Variants in RPA3 observed in about 807,000 individuals in gnomAD.
RPA3 encodes replication protein A 14 kDa subunit.
A neutral mutation model predicts 13.7 loss-of-function variants in RPA3; 24 were observed. The ratio of observed to expected loss-of-function variants is 1.75; its 90% CI spans 1.27 to 2.46. RPA3 has a LOEUF of 2.46. Among genes scored for constraint, RPA3 ranks in the 30% most tolerant of loss-of-function variants. RPA3 has a pLI of 0.00. For synonymous variants in RPA3, 59 were observed against 51.2 expected (o/e 1.15, Z -0.65); for missense variants, 183 against 151.0 (o/e 1.21, Z -1.11).
chr7:7,679,755 A>G (rs1005853267), intron 4 of RPA3, among the ~76,000 whole-genome samples: 6 of 148,422 alleles, frequency 4.0e-5, no homozygotes, highest in Non-Finnish European at 5.9e-5. Flanking sequence ...TTAAGAGGCA[A>G]TAACTCACTA....
intron 4 of RPA3, among the ~76,000 whole-genome samples, chr7:7,674,118 G>A (rs1441681687): frequency 6.6e-6 from 1 of 152,128 alleles, no homozygotes; most frequent in Admixed American, 6.6e-5. Flanking sequence ...ATGGTGTGGG[G>A]TAGTCAAACC....
At chr7:7,704,485 G>A (rs1780544459) in intron 2 of RPA3, among the ~76,000 whole-genome samples, 1 of 151,610 alleles carries the variant, frequency 6.6e-6, no homozygotes, top group Non-Finnish European at 1.5e-5. Flanking sequence ...GCCGGGCGCG[G>A]TGGCTCATGC....
chr7:7,676,192 C>T (rs189438411), intron 4 of RPA3: 6 of 398,676 alleles, frequency 1.5e-5, no homozygotes, highest in East Asian at 3.6e-5. Context: ...CCACGACTTA[C>T]TCTCTACCCT....
chr7:7,644,570 A>G (rs1785054173), intron 4 of RPA3, among the ~76,000 whole-genome samples: 1 of 152,204 alleles, frequency 6.6e-6, no homozygotes, highest in Non-Finnish European at 1.5e-5. Flanking sequence ...ATGTTGTCAG[A>G]TAAGTCTCCA....
chr7:7,713,529 A>G (rs1221935840), intron 2 of RPA3, among the ~76,000 whole-genome samples: 2 of 151,942 alleles, frequency 1.3e-5, no homozygotes, highest in African/African-American at 4.8e-5. Context: ...AGTGTTTTCA[A>G]AAGACCAGTT....
At chr7:7,711,759 G>A (rs1780769885) in intron 2 of RPA3, among the ~76,000 whole-genome samples, 1 of 151,814 alleles carries the variant, frequency 6.6e-6, no homozygotes, top group African/African-American at 2.4e-5. Flanking sequence ...AATGACTTAT[G>A]TTTTTCTTTT....
chr7:7,698,261 G>A (rs771883364), intron 2 of RPA3, among the ~76,000 whole-genome samples: 8 of 152,214 alleles, frequency 5.3e-5, no homozygotes, highest in Non-Finnish European at 7.3e-5. Flanking sequence ...ATTTCTGTGA[G>A]AAGATTGCAA....
At chr7:7,648,295 G>A (rs553924870) in intron 4 of RPA3, among the ~76,000 whole-genome samples, 17 of 151,690 alleles carry the variant, frequency 1.1e-4, no homozygotes, top group African/African-American at 3.2e-4. Context: ...AGTTTTCTCC[G>A]CTTAAGTTTT....
chr7:7,639,852 T>C (rs1411714486), intron 5 of RPA3: 2 of 177,798 alleles, frequency 1.1e-5, no homozygotes, highest in Admixed American at 1.3e-4. Flanking sequence ...AATACTGGGG[T>C]TAAATAACTC....
intron 5 of RPA3, 56 bp downstream of exon 5, chr7:7,640,264 C>G: frequency 6.4e-7 from 1 of 1,550,832 alleles, no homozygotes; most frequent in Non-Finnish European, 8.9e-7. Flanking sequence ...GTTATCCAGG[C>G]GGGGTCCCTC....
At chr7:7,693,255 ATT>A (rs1247463348) in intron 2 of RPA3, among the ~76,000 whole-genome samples, 1 of 152,146 alleles carries the variant, frequency 6.6e-6, no homozygotes, top group Admixed American at 6.5e-5. Flanking sequence ...TTCACCAAAC[ATT>A]TACTAAGTAA....
chr7:7,691,945 A>G (rs1375737096), intron 2 of RPA3, among the ~76,000 whole-genome samples: 1 of 152,326 alleles, frequency 6.6e-6, no homozygotes, highest in East Asian at 1.9e-4. Context: ...GTGGAAGGAA[A>G]AATTTTATAA....
intron 2 of RPA3, among the ~76,000 whole-genome samples, chr7:7,707,706 C>T (rs1373470014): frequency 6.6e-6 from 1 of 152,116 alleles, no homozygotes; most frequent in South Asian, 2.1e-4. Context: ...TAAAGCTATT[C>T]TTAGTGTTAA....
intron 2 of RPA3, among the ~76,000 whole-genome samples, chr7:7,691,889 C>T (rs1432885372): frequency 6.6e-6 from 1 of 152,150 alleles, no homozygotes; most frequent in Non-Finnish European, 1.5e-5. Context: ...TGGCTAGTAG[C>T]TCAGTTTAGC....
At chr7:7,679,675 A>G (rs1779853417) in intron 4 of RPA3, among the ~76,000 whole-genome samples, 1 of 125,948 alleles carries the variant, frequency 7.9e-6, no homozygotes, top group Non-Finnish European at 1.6e-5. Context: ...TTTAATTTAT[A>G]GATAAATATA....
At chr7:7,670,348 T>C (rs537891255) in intron 4 of RPA3, among the ~76,000 whole-genome samples, 3 of 150,634 alleles carry the variant, frequency 2.0e-5, no homozygotes, top group African/African-American at 7.5e-5. Flanking sequence ...TCGTAAAGGG[T>C]CTCTCTATAT....
At chr7:7,698,451 T>G (rs1445375924) in intron 2 of RPA3, among the ~76,000 whole-genome samples, 2 of 152,248 alleles carry the variant, frequency 1.3e-5, no homozygotes, top group Non-Finnish European at 2.9e-5. Context: ...CAGCTTAGCC[T>G]TTTCCTTAGA....
intron 4 of RPA3, among the ~76,000 whole-genome samples, chr7:7,646,454 T>C (rs1272110182): frequency 6.6e-6 from 1 of 150,848 alleles, no homozygotes; most frequent in Non-Finnish European, 1.5e-5. Flanking sequence ...TCTGATGGCT[T>C]TATAAGGGGA....
intron 2 of RPA3, among the ~76,000 whole-genome samples, chr7:7,693,323 C>CTATCTATCTATG (rs1171392434): frequency 5.3e-5 from 8 of 151,972 alleles, no homozygotes; most frequent in African/African-American, 1.7e-4. Context: ...ATCTATCTAT[C>CTATCTATCTATG]TATCTATCTA....
Sources: allele counts gnomAD v4.1 joint callset (sites outside exome capture counted in the v4.1 genomes callset), GRCh38; gene constraint gnomAD v4.1.1; transcripts MANE v1.5; gene names NCBI Gene and HGNC (gene_info 2026-07-23, HGNC 2026-07-21).